Variants in RSPO2 observed in about 807,000 individuals in gnomAD.
RSPO2 encodes R-spondin 2, also known as R-spondin-2.
RSPO2 carries 14 observed loss-of-function variants against 30.9 expected under a neutral mutation model. That is an observed-to-expected ratio of 0.45 (90% confidence interval 0.30 to 0.71). The LOEUF (loss-of-function observed/expected upper bound fraction) is 0.71, where lower values mean the gene tolerates loss of function less well. RSPO2 is among the 30% of genes least tolerant of loss of function. RSPO2 has a pLI of 0.08. For missense variants in RSPO2, 264 were observed against 301.9 expected (o/e 0.87, Z 0.93); for synonymous variants, 107 against 96.4 (o/e 1.11, Z -0.64).
chr8:107,924,114 G>C (rs1038730893), intron 5 of RSPO2, among the ~76,000 whole-genome samples: 3 of 151,132 alleles, frequency 2.0e-5, no homozygotes, highest in Admixed American at 2.0e-4. Flanking sequence ...AGACAAAAAA[G>C]AGTGAATGTA....
chr8:107,999,444 GTTTGT>G (rs960035438), intron 2 of RSPO2, among the ~76,000 whole-genome samples: 4 of 151,998 alleles, frequency 2.6e-5, no homozygotes, highest in African/African-American at 9.7e-5. Context: ...AGGAGTTTTT[GTTTGT>G]TTTGAGACAA....
Position 107,958,060 on chromosome 8 carries a change from G to A in RSPO2, c.616+20C>T, listed in dbSNP as rs1423154579. ...TTCAGGAAGCACACAGCACACAGTAGTGATTATATCCACACCTACCTCCTG... is the reference window on the plus strand; with the variant it reads ...TTCAGGAAGCACACAGCACACAGTAATGATTATATCCACACCTACCTCCTG... On this transcript the variant is annotated intron_variant, in intron 5 of 5. Coordinates refer to ENST00000276659, the MANE Select transcript of RSPO2 (RefSeq NM_178565.5). 3.8e-6 allele frequency: 6 copies of A among 1,583,578 alleles called. No homozygotes were observed. Among genetic ancestry groups the A allele is most frequent in the Non-Finnish European group, 5.2e-6 (6 of 1,154,378 alleles).
At chr8:107,964,263 AC>A (rs1375334865) in intron 3 of RSPO2, among the ~76,000 whole-genome samples, 1 of 152,142 alleles carries the variant, frequency 6.6e-6, no homozygotes, top group Non-Finnish European at 1.5e-5. Context: ...TCATTTAGAG[AC>A]AGAATTTCGC....
At chr8:107,922,347 C>T (rs1331689915) in intron 5 of RSPO2, among the ~76,000 whole-genome samples, 1 of 152,052 alleles carries the variant, frequency 6.6e-6, no homozygotes, top group African/African-American at 2.4e-5. Context: ...ATCTCATTTA[C>T]AATAGCCACA....
intron 2 of RSPO2, among the ~76,000 whole-genome samples, chr8:108,014,140 G>A (rs1810796542): frequency 6.6e-6 from 1 of 152,146 alleles, no homozygotes. Flanking sequence ...ACCACAATAA[G>A]ATACACCATC....
At chr8:107,987,887 CATAAAT>C (rs1056012502) in intron 3 of RSPO2, among the ~76,000 whole-genome samples, 12 of 152,020 alleles carry the variant, frequency 7.9e-5, no homozygotes, top group Admixed American at 7.9e-4. Flanking sequence ...AAATCACTCT[CATAAAT>C]ATGAGATTTA....
chr8:108,030,716 T>C (rs73321435), intron 2 of RSPO2, among the ~76,000 whole-genome samples: 11,506 of 152,068 alleles, frequency 0.076, 740 homozygotes, highest in African/African-American at 0.16. Context: ...GGTCCAGGGG[T>C]GGAGGGAGGG....
At chr8:108,034,194 G>C (rs1811517648) in intron 2 of RSPO2, among the ~76,000 whole-genome samples, 1 of 151,968 alleles carries the variant, frequency 6.6e-6, no homozygotes, top group Non-Finnish European at 1.5e-5. Context: ...AGGTTCTGGG[G>C]GTTTTTTTTC....
intron 5 of RSPO2, among the ~76,000 whole-genome samples, chr8:107,941,140 C>T (rs1042342961): frequency 8.6e-5 from 13 of 151,984 alleles, no homozygotes; most frequent in East Asian, 5.8e-4. Flanking sequence ...GGTGGATTGG[C>T]GTGGACCTTA....
chr8:107,926,476 C>G (rs952628738), intron 5 of RSPO2, among the ~76,000 whole-genome samples: 2 of 152,080 alleles, frequency 1.3e-5, no homozygotes, highest in Non-Finnish European at 2.9e-5. Context: ...AGTCCTTGCC[C>G]ATGCCTATGT....
Position 108,016,926 on chromosome 8 carries a change from C to T in RSPO2, c.95-27682G>A, listed in dbSNP as rs571074214. Among the ~76,000 whole-genome samples the T allele has an allele frequency of 5.3e-4, 80 of 152,162 alleles. 1 individual carries two copies. The South Asian group carries it at 6.4e-3, about 12-fold the overall frequency. On this transcript the variant is annotated intron_variant, in intron 2 of 5. Transcript: ENST00000276659. Reference sequence around the variant, plus strand: ...AAGCTGAGCAGATGCCAGCACCATGCTTCCCATAAATCCTACAAAACCACG... The same window carrying T: ...AAGCTGAGCAGATGCCAGCACCATGTTTCCCATAAATCCTACAAAACCACG...
At chr8:107,987,288 T>A (rs1487064351) in intron 3 of RSPO2, among the ~76,000 whole-genome samples, 1 of 152,170 alleles carries the variant, frequency 6.6e-6, no homozygotes, top group Non-Finnish European at 1.5e-5. Flanking sequence ...TTACTTTTTG[T>A]TCCTCTCCAA....
chr8:107,908,766 G>A (rs915240356), intron 5 of RSPO2, among the ~76,000 whole-genome samples: 2 of 152,142 alleles, frequency 1.3e-5, no homozygotes, highest in South Asian at 2.1e-4. Context: ...GGGCTAATGA[G>A]AGAAGAAAAG....
intron 2 of RSPO2, among the ~76,000 whole-genome samples, chr8:108,041,209 A>AG (rs1811746552): frequency 1.3e-5 from 2 of 150,998 alleles, no homozygotes; most frequent in South Asian, 4.2e-4. Flanking sequence ...GTGGCAAAAA[A>AG]AAAAAAAAAA....
At chr8:107,970,291 T>C (rs988600287) in intron 3 of RSPO2, among the ~76,000 whole-genome samples, 1 of 152,170 alleles carries the variant, frequency 6.6e-6, no homozygotes, top group Non-Finnish European at 1.5e-5. Flanking sequence ...ATATTGTTCT[T>C]TCATTTTTTT....
At chr8:107,956,464 T>G (rs1399142239) in intron 5 of RSPO2, among the ~76,000 whole-genome samples, 1 of 152,200 alleles carries the variant, frequency 6.6e-6, no homozygotes, top group Non-Finnish European at 1.5e-5. Flanking sequence ...AGTATCAAGT[T>G]GTATTCAACT....
intron 2 of RSPO2, among the ~76,000 whole-genome samples, chr8:108,074,938 G>C (rs78219308): frequency 2.3e-4 from 35 of 152,216 alleles, no homozygotes; most frequent in African/African-American, 7.2e-4. Context: ...TACAGAACTT[G>C]TTCTAAAATA....
chr8:107,969,921 T>C (rs1443502072), intron 3 of RSPO2, among the ~76,000 whole-genome samples: 2 of 152,150 alleles, frequency 1.3e-5, no homozygotes, highest in African/African-American at 4.8e-5. Context: ...CAGACCTGCA[T>C]CTTAGTTGGA....
intron 2 of RSPO2, among the ~76,000 whole-genome samples, chr8:108,047,565 T>C (rs1811941935): frequency 6.6e-6 from 1 of 152,150 alleles, no homozygotes; most frequent in Non-Finnish European, 1.5e-5. Flanking sequence ...TGGAAGCCTG[T>C]GGTCAGGCAT....
Sources: allele counts gnomAD v4.1 joint callset (sites outside exome capture counted in the v4.1 genomes callset), GRCh38; gene constraint gnomAD v4.1.1; transcripts MANE v1.5; gene names NCBI Gene and HGNC (gene_info 2026-07-23, HGNC 2026-07-21).